PCDHA7: variants seen among roughly 807,000 people sequenced by gnomAD.
PCDHA7 encodes the protein protocadherin alpha-7.
PCDHA7 carries 37 observed loss-of-function variants against 57.2 expected under a neutral mutation model. That is an observed-to-expected ratio of 0.65 (90% confidence interval 0.50 to 0.85). The LOEUF (loss-of-function observed/expected upper bound fraction) is 0.85. PCDHA7 is among the 40% of genes least tolerant of loss of function. The probability of loss-of-function intolerance (pLI) is 0.00; values close to 1 mark genes in which losing one functional copy is unlikely to be tolerated. For synonymous variants in PCDHA7, 553 were observed against 558.8 expected (o/e 0.99, Z 0.15); for missense variants, 1,188 against 1,241.8 (o/e 0.96, Z 0.65).
At chr5:140,869,615 G>T in intron 1 of PCDHA7, 2 of 1,613,858 alleles carry the variant, frequency 1.2e-6, no homozygotes, top group Non-Finnish European at 1.7e-6. Flanking sequence ...TTGACCTACA[G>T]GCTAAGTAAA....
intron 1 of PCDHA7, chr5:140,884,085 G>A (rs1181483962): frequency 6.2e-7 from 1 of 1,613,484 alleles, no homozygotes; most frequent in Non-Finnish European, 8.5e-7. Flanking sequence ...TACAATGCGT[G>A]GCTTTCGTAT....
At chr5:140,904,399 T>C (rs1583526237) in intron 1 of PCDHA7, among the ~76,000 whole-genome samples, 1 of 151,316 alleles carries the variant, frequency 6.6e-6, no homozygotes, top group East Asian at 1.9e-4. Flanking sequence ...TTCCATGGTG[T>C]ATTATATATA....
In PCDHA7 at chr5:140,949,770, T is replaced by C. The variant is rs955982016; in HGVS notation, c.2356-29179T>C. On this transcript the variant is annotated intron_variant, in intron 1 of 3. Coordinates refer to ENST00000525929, the MANE Select transcript of PCDHA7 (RefSeq NM_018910.3). ...TTAGCCCATTCACATTAGTGTAATA[T>C]TTGATATGTTTAGATTTGTGTCCTT... Among the ~76,000 whole-genome samples, 3 of 152,026 alleles carry C rather than the reference T, an allele frequency of 2.0e-5. 1 individual carries two copies. The highest frequency in any genetic ancestry group is 6.8e-3 in the Middle Eastern group (2 of 294).
At chr5:140,894,043 C>G (rs1562874850) in intron 1 of PCDHA7, among the ~76,000 whole-genome samples, 1 of 152,050 alleles carries the variant, frequency 6.6e-6, no homozygotes, top group Non-Finnish European at 1.5e-5. Flanking sequence ...AATGTAAGTC[C>G]TCTGTTGAAT....
chr5:140,857,144 A>G, intron 1 of PCDHA7: 1 of 1,598,350 alleles, frequency 6.3e-7, no homozygotes, highest in Non-Finnish European at 8.6e-7. Context: ...TCAAGTGGGC[A>G]CCGTCATTGC....
At chr5:140,881,563 T>C (rs894982822) in intron 1 of PCDHA7, among the ~76,000 whole-genome samples, 4 of 152,232 alleles carry the variant, frequency 2.6e-5, no homozygotes, top group Non-Finnish European at 5.9e-5. Flanking sequence ...AAATATCTTA[T>C]CTACATCTCA....
At chr5:140,915,107 C>T (rs1461317939) in intron 1 of PCDHA7, among the ~76,000 whole-genome samples, 1 of 151,880 alleles carries the variant, frequency 6.6e-6, no homozygotes, top group African/African-American at 2.4e-5. Flanking sequence ...CACCACAACA[C>T]CCACCTAATT....
At chr5:140,927,694 G>A in intron 1 of PCDHA7, 1 of 1,614,202 alleles carries the variant, frequency 6.2e-7, no homozygotes, top group Non-Finnish European at 8.5e-7. Context: ...CAATGGGGAA[G>A]TCCAGTACTC....
chr5:140,884,092 G>C, intron 1 of PCDHA7: 2 of 1,613,556 alleles, frequency 1.2e-6, no homozygotes, highest in Non-Finnish European at 1.7e-6. Context: ...CGTGGCTTTC[G>C]TATGAATTGC....
chr5:140,889,679 C>A (rs968181758), intron 1 of PCDHA7, among the ~76,000 whole-genome samples: 4 of 152,026 alleles, frequency 2.6e-5, no homozygotes, highest in Admixed American at 6.6e-5. Flanking sequence ...TTATTTTAAA[C>A]CTTTTAGTAT....
chr5:140,990,296 T>C (rs1231552034), intron 3 of PCDHA7, among the ~76,000 whole-genome samples: 12 of 152,300 alleles, frequency 7.9e-5, no homozygotes, highest in African/African-American at 2.9e-4. Flanking sequence ...ATCGATGCCA[T>C]TGTCTGTAAA....
chr5:140,877,068 G>C (rs1050946101), intron 1 of PCDHA7: 4 of 1,613,122 alleles, frequency 2.5e-6, no homozygotes, highest in Non-Finnish European at 3.4e-6. Context: ...AGCTGCTGCA[G>C]TTCCAGGTGA....
intron 3 of PCDHA7, among the ~76,000 whole-genome samples, chr5:140,991,807 C>T (rs782693963): frequency 4.6e-5 from 7 of 152,278 alleles, no homozygotes; most frequent in Admixed American, 6.5e-5. Context: ...AGGCCACTTC[C>T]GCATTTTTAG....
rs1554262721 is a variant in PCDHA7, at chr5:141,010,165, GA to G, written c.*230del. ...TTCTCTCCACTCTGGCTTGTTTTCA[GA>G]ACCTAAAAAGCAGACCCAAGTTTCC... On this transcript the variant is annotated 3_prime_UTR_variant, in exon 4 of 4. Coordinates refer to ENST00000525929, the MANE Select transcript of PCDHA7 (RefSeq NM_018910.3). The G allele has an allele frequency of 1.9e-6, 3 of 1,563,714 alleles. No homozygotes were observed.
At chr5:140,861,535 G>A (rs1014652583) in intron 1 of PCDHA7, 3 of 446,466 alleles carry the variant, frequency 6.7e-6, no homozygotes, top group East Asian at 1.3e-4. Context: ...TCGGAGTGCA[G>A]CATCCACCTG....
intron 1 of PCDHA7, among the ~76,000 whole-genome samples, chr5:140,935,064 T>C (rs782620164): frequency 5.9e-5 from 9 of 152,252 alleles, no homozygotes; most frequent in Admixed American, 2.0e-4. Flanking sequence ...GATGTTCAGA[T>C]TATCTTGTAC....
chr5:140,877,335 G>T, intron 1 of PCDHA7: 2 of 1,613,978 alleles, frequency 1.2e-6, no homozygotes, highest in Non-Finnish European at 1.7e-6. Context: ...CGCACATCCC[G>T]TTCCACGTGG....
intron 2 of PCDHA7, among the ~76,000 whole-genome samples, chr5:140,979,795 A>G (rs781835728): frequency 6.6e-6 from 1 of 152,264 alleles, no homozygotes. Flanking sequence ...GAAACAAATG[A>G]TCACAACTAT....
chr5:140,977,872 T>A (rs1554238851), intron 1 of PCDHA7, among the ~76,000 whole-genome samples: 1 of 152,258 alleles, frequency 6.6e-6, no homozygotes, highest in African/African-American at 2.4e-5. Flanking sequence ...ATGGTAAGTA[T>A]AATGTAGAGG....
Sources: allele counts gnomAD v4.1 joint callset (sites outside exome capture counted in the v4.1 genomes callset), GRCh38; gene constraint gnomAD v4.1.1; transcripts MANE v1.5; gene names NCBI Gene and HGNC (gene_info 2026-07-23, HGNC 2026-07-21).